The following FBN1 variants were observed in gnomAD, a reference collection of about 807,000 sequenced individuals.
FBN1 encodes fibrillin 1.
In FBN1, 29 loss-of-function variants were observed where a neutral mutation model predicts 365.1. The observed-to-expected ratio is 0.08, with a 90% CI of 0.06 to 0.11. FBN1 has a LOEUF of 0.11. Among genes scored for constraint, FBN1 ranks in the 10% least tolerant of loss-of-function variants. The pLI is 1.00. For synonymous variants in FBN1, 1,210 were observed against 1,270.5 expected, an observed-to-expected ratio of 0.95 and a Z score of 1.01; for missense variants, 2,476 against 3,703.2, an observed-to-expected ratio of 0.67 and a Z score of 8.60.
chr15:48,463,367 G>A (rs2043295930), intron 41 of FBN1, 127 bp from the exon 42 acceptor site: 11 of 978,688 alleles, frequency 1.1e-5, no homozygotes, highest in African/African-American at 3.2e-5. Flanking sequence ...ACTTTGATAA[G>A]GACACAAAAA....
intron 56 of FBN1, among the ~76,000 whole-genome samples, chr15:48,429,150 A>T (rs2043006612): frequency 6.6e-6 from 1 of 152,242 alleles, no homozygotes; most frequent in Non-Finnish European, 1.5e-5. Flanking sequence ...ATATTAGGAC[A>T]TAAAAAGGAC....
chr15:48,502,271 C>A (rs1018938947), intron 17 of FBN1, among the ~76,000 whole-genome samples: 11 of 152,194 alleles, frequency 7.2e-5, no homozygotes, highest in African/African-American at 2.2e-4. Flanking sequence ...GTCTTGAACT[C>A]CTAACCTCAA....
At chr15:48,466,772 G>T (rs1034183060) in intron 38 of FBN1, among the ~76,000 whole-genome samples, 4 of 152,028 alleles carry the variant, frequency 2.6e-5, no homozygotes, top group African/African-American at 7.2e-5. Context: ...GTCTTAGTTT[G>T]CCCCCTTCGA....
Position 48,495,137 on chromosome 15 carries a change from G to C in FBN1, c.2663C>G (p.Thr888Ser). 1 of 1,614,100 alleles carries C rather than the reference G, an allele frequency of 6.2e-7. No homozygotes were observed. The highest frequency in any genetic ancestry group is 8.5e-7 in the Non-Finnish European group (1 of 1,180,010). ...GTTTCTCTTACCAACTTGGCATAGG[G>C]TGCACGGGCTTCCCCACGCAGCACC... is the stretch of plus-strand genomic sequence containing the variant. ...SLGAAWGSPC[T>S]LCQVDPICGK... The change falls in exon 22 of 66, where the codon ACC becomes AGC. Residue 888 changes from threonine (T) to serine (S), a missense_variant. This residue lies in a region of FBN1 where 1,780 missense variants were observed against 2,840.8 expected (regional missense o/e 0.63). Coordinates refer to ENST00000316623, the MANE Select transcript of FBN1 (RefSeq NM_000138.5).
At position 48,430,724 on chromosome 15, in the gene FBN1, A is replaced by G. The variant is rs754270535; in HGVS notation, c.6818T>C (p.Met2273Thr). 9.3e-6 allele frequency: 15 copies of G among 1,613,812 alleles called. No individual in the cohort carries two copies. Among genetic ancestry groups the G allele is most frequent in the African/African-American group, 1.3e-5 (1 of 74,920 alleles). The change falls in exon 56 of 66, where the codon ATG becomes ACG. Residue 2273 changes from methionine to threonine, a missense_variant. This residue lies in a region of FBN1 where 1,780 missense variants were observed against 2,840.8 expected (regional missense o/e 0.63). Transcript: ENST00000316623. ...CTGATACCCGGGTCCACAGATGCAC[A>G]TATATGTGCCAATGAGGTTCTTGCA... ...MECKNLIGTYMCICGPGYQRR... is the reference protein window; with the variant it reads ...MECKNLIGTYTCICGPGYQRR...
intron 6 of FBN1, among the ~76,000 whole-genome samples, chr15:48,551,192 T>G (rs1476097539): frequency 6.6e-6 from 1 of 152,212 alleles, no homozygotes; most frequent in Non-Finnish European, 1.5e-5. Context: ...TTCCTGGGGT[T>G]GTATGAGTAG....
chr15:48,429,025 G>A (rs1320851279), intron 56 of FBN1, among the ~76,000 whole-genome samples: 6 of 152,190 alleles, frequency 3.9e-5, no homozygotes, highest in Non-Finnish European at 7.3e-5. Flanking sequence ...GTGTATGTGT[G>A]TGTGCACTTC....
chr15:48,454,947 G>A (rs986308983), intron 44 of FBN1, among the ~76,000 whole-genome samples: 1 of 152,154 alleles, frequency 6.6e-6, no homozygotes, highest in South Asian at 2.1e-4. Context: ...GGCAGATTGC[G>A]CCACTGGAGA....
intron 50 of FBN1, among the ~76,000 whole-genome samples, chr15:48,438,193 CCAAAACTGACAGTTTT>C (rs1372555704): frequency 3.9e-5 from 6 of 152,096 alleles, no homozygotes; most frequent in Admixed American, 1.3e-4. Flanking sequence ...CCAATAAAAT[CCAAAACTGACAGTTTT>C]CAAAACTGAC....
chr15:48,619,379 C>G (rs757856174), intron 2 of FBN1, among the ~76,000 whole-genome samples: 2 of 151,990 alleles, frequency 1.3e-5, no homozygotes, highest in Non-Finnish European at 2.9e-5. Flanking sequence ...CCCCTTCTTG[C>G]CTTCTCCATC....
intron 44 of FBN1, among the ~76,000 whole-genome samples, chr15:48,456,006 T>C (rs963668723): frequency 6.6e-6 from 1 of 152,214 alleles, no homozygotes; most frequent in African/African-American, 2.4e-5. Context: ...TAACCAGTAA[T>C]GTCCCTTTTA....
intron 10 of FBN1, among the ~76,000 whole-genome samples, chr15:48,516,759 C>T (rs1373054987): frequency 1.3e-5 from 2 of 152,058 alleles, no homozygotes; most frequent in Non-Finnish European, 2.9e-5. Flanking sequence ...ATGTCTTCAA[C>T]GGGGGTGGGA....
In FBN1 at chr15:48,496,278, T is replaced by A. The variant is rs979867566; in HGVS notation, c.2294-53A>T. The stretch of plus-strand genomic sequence containing the variant: ...AAAAAGGGCCCAAACTTTGCCTGTA[T>A]CTACTTTGCTCTTTTACATTAGATC... On this transcript the variant is annotated intron_variant, in intron 19 of 65. Coordinates refer to ENST00000316623, the MANE Select transcript of FBN1 (RefSeq NM_000138.5). 2.5e-6 allele frequency: 4 copies of A among 1,610,462 alleles called. No individual in the cohort carries two copies. In the African/African-American group the frequency reaches 4.0e-5, roughly 16 times the overall value.
intron 43 of FBN1, among the ~76,000 whole-genome samples, chr15:48,458,183 T>C (rs1320014432): frequency 6.6e-6 from 1 of 152,216 alleles, no homozygotes; most frequent in Non-Finnish European, 1.5e-5. Context: ...GCAAGGTACA[T>C]ACTTTGCTTG....
At chr15:48,470,587 C>A in intron 36 of FBN1, 47 bp downstream of exon 36, 1 of 1,611,530 alleles carries the variant, frequency 6.2e-7, no homozygotes, top group Non-Finnish European at 8.5e-7. Context: ...ATAGCTGGGT[C>A]CCCCGGGACA....
At chr15:48,474,718 A>G in intron 32 of FBN1, 68 bp from the exon 33 acceptor site, 1 of 1,607,832 alleles carries the variant, frequency 6.2e-7, no homozygotes, top group Non-Finnish European at 8.5e-7. Context: ...AAAATAAGTA[A>G]TATTCAAAAG....
Position 48,470,795 on chromosome 15 carries a change from T to C in FBN1, c.4337-39A>G, listed in dbSNP as rs755247690. The C allele has an allele frequency of 1.1e-5, 17 of 1,601,012 alleles. No individual in the cohort carries two copies. Among genetic ancestry groups the C allele is most frequent in the Admixed American group, 3.4e-5 (2 of 58,236 alleles). ...AGAAAAAAGCAAAAAACTTAACTTA[T>C]ATTTTTCTAAAAAAAACCTGCCAAA... On this transcript the variant is annotated intron_variant, in intron 35 of 65. Coordinates refer to ENST00000316623, the MANE Select transcript of FBN1 (RefSeq NM_000138.5).
At chr15:48,627,543 A>G (rs961661745) in intron 2 of FBN1, among the ~76,000 whole-genome samples, 61 of 152,226 alleles carry the variant, frequency 4.0e-4, no homozygotes, top group Non-Finnish European at 7.9e-4. Context: ...AAAGTAGCTC[A>G]AAGCAAAACC....
At chr15:48,496,843 A>G (rs2141305764) in intron 19 of FBN1, among the ~76,000 whole-genome samples, 1 of 152,320 alleles carries the variant, frequency 6.6e-6, no homozygotes, top group South Asian at 2.1e-4. Context: ...ACTTTAAGAG[A>G]GCAGGTATTC....
Sources: gnomAD v4.1 joint callset for allele counts (sites outside exome capture counted in the v4.1 genomes callset) on GRCh38, gnomAD v4.1.1 for gene constraint, gnomAD v4.1.1 regional missense constraint, MANE v1.5 for transcripts, NCBI Gene and HGNC (gene_info 2026-07-23, HGNC 2026-07-21) for gene names.